The following ZNF677 variants were observed in gnomAD, a reference collection of about 807,000 sequenced individuals.
ZNF677 encodes zinc finger protein 677.
Under a neutral mutation model 8.1 loss-of-function variants are expected in ZNF677, and 5 were observed. The observed-to-expected ratio is 0.62, with a 90% confidence interval of 0.32 to 1.29. ZNF677 has a LOEUF of 1.29. Among genes scored for constraint, ZNF677 ranks in the 50% most tolerant of loss-of-function variants. The pLI is 0.05. For synonymous variants in ZNF677, 221 were observed against 225.6 expected, an observed-to-expected ratio of 0.98 and a Z score of 0.18; for missense variants, 685 against 685.9, an observed-to-expected ratio of 1.00 and a Z score of 0.01.
At chr19:53,244,744 G>A (rs1188827977) in intron 3 of ZNF677, among the ~76,000 whole-genome samples, 21 of 152,030 alleles carry the variant, frequency 1.4e-4, no homozygotes, top group Non-Finnish European at 2.8e-4. Context: ...AAAAATATAA[G>A]AAATAATCCT....
chr19:53,254,240 C>T (rs1168875142), intron 1 of ZNF677, among the ~76,000 whole-genome samples: 1 of 151,800 alleles, frequency 6.6e-6, no homozygotes, highest in East Asian at 1.9e-4. Flanking sequence ...TTTTCCCCCT[C>T]TCTATAAATG....
Position 53,237,680 on chromosome 19 carries a change from A to G in ZNF677, c.1047T>C (p.Cys349=), listed in dbSNP as rs749019681. The G allele has an allele frequency of 3.7e-6, 6 of 1,612,994 alleles. No individual in the cohort carries two copies. Among genetic ancestry groups the G allele is most frequent in the South Asian group, 1.1e-5 (1 of 90,864 alleles). Residue 349 remains cysteine (C), a synonymous_variant, in exon 5 of 5, where the codon TGT becomes TGC. Coordinates refer to ENST00000598513, the MANE Select transcript of ZNF677 (RefSeq NM_182609.4). ...RMHTGEKPYK[C]NECGKAFIQR... is the part of the protein sequence containing the mutation. ...GGATAAATGCCTTACCACATTCATT[A>G]CATTTGTAAGGTTTCTCTCCAGTAT...
intron 3 of ZNF677, 95 bp from the exon 4 acceptor site, chr19:53,243,992 T>C (rs2091097362): frequency 8.6e-7 from 1 of 1,163,238 alleles, no homozygotes; most frequent in Non-Finnish European, 1.2e-6. Context: ...CACTGATTTA[T>C]GTGAGTTAAT....
intron 3 of ZNF677, among the ~76,000 whole-genome samples, chr19:53,251,218 G>C (rs1281545500): frequency 6.6e-6 from 1 of 152,158 alleles, no homozygotes; most frequent in Non-Finnish European, 1.5e-5. Context: ...AGAGATGAAA[G>C]GGTATCCAAA....
At chr19:53,247,204 T>C (rs1347600799) in intron 3 of ZNF677, among the ~76,000 whole-genome samples, 1 of 152,184 alleles carries the variant, frequency 6.6e-6, no homozygotes, top group Non-Finnish European at 1.5e-5. Flanking sequence ...GAGAATATGC[T>C]ATGTGCACTA....
At chr19:53,241,983 G>C (rs1374413611) in intron 4 of ZNF677, 1 of 125,328 alleles carries the variant, frequency 8.0e-6, no homozygotes, top group African/African-American at 5.0e-5. Context: ...CCAGGCTGGA[G>C]TGCAATGGCG....
At chr19:53,251,514 G>A in intron 3 of ZNF677, 22 bp downstream of exon 3, 1 of 1,608,316 alleles carries the variant, frequency 6.2e-7, no homozygotes, top group Non-Finnish European at 8.5e-7. Flanking sequence ...ACAAAACAGT[G>A]AACCAAGAAT....
intron 4 of ZNF677, 91 bp downstream of exon 4, chr19:53,243,653 C>T: frequency 6.4e-7 from 1 of 1,568,202 alleles, no homozygotes; most frequent in Non-Finnish European, 8.7e-7. Context: ...TCAATCTCCC[C>T]TTTTAGAACA....
intron 3 of ZNF677, among the ~76,000 whole-genome samples, chr19:53,247,739 G>C (rs1000367625): frequency 2.0e-5 from 3 of 152,022 alleles, no homozygotes; most frequent in Non-Finnish European, 2.9e-5. Flanking sequence ...AACATCTCTG[G>C]TATCAATTTT....
rs761834781 is a variant in ZNF677, at chr19:53,237,911, A to G, written c.816T>C (p.Phe272=). The G allele has an allele frequency of 3.7e-6, 6 of 1,612,692 alleles. No individual in the cohort carries two copies. Among genetic ancestry groups the G allele is most frequent in the Non-Finnish European group, 5.1e-6 (6 of 1,179,958 alleles). Residue 272 remains phenylalanine, a synonymous_variant, in exon 5 of 5, where the codon TTT becomes TTC. Transcript: ENST00000598513. ...GATTAGTGAGGTTCGAACTTTTGCT[A>G]AAAGCCTTTCCACAGTCATTACACT... ...SYKCNDCGKA[F]SKSSNLTNHQ...
chr19:53,238,139 C>G lies in ZNF677; in HGVS notation c.588G>C (p.Gln196His). ...ATCTCTGTAGTTCAGCCAGCTGTGC[C>G]TGTAAGCTTAATCCAATTTTATTTT... ...CFENKIGLSL[Q>H]AQLAELQRFQ... is the part of the protein sequence containing the mutation. Residue 196 changes from glutamine to histidine, a missense_variant, in exon 5 of 5, where the codon CAG becomes CAC. By Grantham distance (24) the Gln-to-His change is conservative. Coordinates refer to ENST00000598513, the MANE Select transcript of ZNF677 (RefSeq NM_182609.4). The G allele has an allele frequency of 6.2e-7, 1 of 1,613,604 alleles. No individual in the cohort carries two copies. Among genetic ancestry groups the G allele is most frequent in the Non-Finnish European group, 8.5e-7 (1 of 1,179,742 alleles).
At chr19:53,241,659 A>G in intron 4 of ZNF677, 1 of 387,250 alleles carries the variant, frequency 2.6e-6, no homozygotes, top group Non-Finnish European at 4.6e-6. Flanking sequence ...CACAGAAACC[A>G]GAAGGTCAGA....
Position 53,238,094 on chromosome 19 carries a change from C to T in ZNF677, c.633G>A (p.Met211Ile). The change falls in exon 5 of 5, where the codon ATG becomes ATA. Residue 211 changes from methionine to isoleucine, a missense_variant. Coordinates refer to ENST00000598513, the MANE Select transcript of ZNF677 (RefSeq NM_182609.4). The part of the protein sequence containing the change: ...ELQRFQTGEK[M>I]YECNPVEKSI... The stretch of plus-strand genomic sequence containing the variant: ...ACTTCTCAACTGGATTACATTCATA[C>T]ATTTTCTCCCCAGTTTGAAATCTCT... 2 of 1,614,036 alleles carry T rather than the reference C, an allele frequency of 1.2e-6. No individual in the cohort carries two copies. Among genetic ancestry groups the T allele is most frequent in the Non-Finnish European group, 1.7e-6 (2 of 1,179,942 alleles).
chr19:53,237,607 G>A lies in ZNF677; in HGVS notation c.1120C>T (p.Pro374Ser), dbSNP rs867527371. 1 of 1,613,858 alleles carries A rather than the reference G, an allele frequency of 6.2e-7. No individual in the cohort carries two copies. The highest frequency in any genetic ancestry group is 1.6e-4 in the Middle Eastern group (1 of 6,062). Residue 374 changes from proline to serine, a missense_variant, in exon 5 of 5, where the codon CCT (proline) becomes TCT (serine). Transcript: ENST00000598513. ...TTGTCACATTCATTACATTTGTAAG[G>A]TTTCTCTCCAGTATGAATTCTTTCA... ...GHERIHTGEK[P>S]YKCNECDKAF...
At position 53,236,895 on chromosome 19, in the gene ZNF677, T is replaced by A. The variant is rs1467731626; in HGVS notation, c.*77A>T. 7.6e-7 allele frequency: 1 copy of A among 1,317,904 alleles called. No homozygotes were observed. The highest frequency in any genetic ancestry group is 2.7e-5 in the Admixed American group (1 of 37,426). 81.6% of individuals were successfully genotyped at this position (1,317,904 alleles called of 1,614,324 possible). A position where few individuals can be genotyped will look rare whatever the true frequency, so the allele number is the denominator to read the frequency against. On this transcript the variant is annotated 3_prime_UTR_variant, in exon 5 of 5. Transcript: ENST00000598513. Reference sequence around the variant, plus strand: ...CAAAGATGTATATTCTGGTATCAAGTGAGACATAAGCCATAGCTAAAGGCT... The same window carrying A: ...CAAAGATGTATATTCTGGTATCAAGAGAGACATAAGCCATAGCTAAAGGCT...
At position 53,236,986 on chromosome 19, in the gene ZNF677, A is replaced by G. The variant is rs979735000; in HGVS notation, c.1741T>C (p.Ser581Pro). The stretch of plus-strand genomic sequence containing the variant: ...AGCCCCTGATGCTAGGTACAGCTTG[A>G]ATACTTAATTTTTGTCTCATTATAT... ...IKYNETKIKY[S>P]SCT The change falls in exon 5 of 5, where the codon TCA (serine) becomes CCA (proline). Residue 581 changes from serine to proline, a missense_variant. Transcript: ENST00000598513. The G allele has an allele frequency of 2.6e-6, 4 of 1,561,762 alleles. No individual in the cohort carries two copies. Among genetic ancestry groups the G allele is most frequent in the Non-Finnish European group, 3.4e-6 (4 of 1,160,118 alleles).
At chr19:53,246,936 A>G (rs2091153233) in intron 3 of ZNF677, among the ~76,000 whole-genome samples, 1 of 152,222 alleles carries the variant, frequency 6.6e-6, no homozygotes, top group East Asian at 1.9e-4. Flanking sequence ...GGATATGTTT[A>G]TGACAGATTG....
At chr19:53,250,754 T>C (rs953539101) in intron 3 of ZNF677, among the ~76,000 whole-genome samples, 19 of 152,076 alleles carry the variant, frequency 1.2e-4, no homozygotes, top group African/African-American at 3.6e-4. Context: ...AAATAATCTG[T>C]CCAACAAACT....
chr19:53,248,493 G>T (rs944481368), intron 3 of ZNF677, among the ~76,000 whole-genome samples: 5 of 152,266 alleles, frequency 3.3e-5, no homozygotes, highest in African/African-American at 1.2e-4. Flanking sequence ...TTCATGCAGG[G>T]TAAGTCCACT....
Sources: allele counts gnomAD v4.1 joint callset (sites outside exome capture counted in the v4.1 genomes callset), GRCh38; gene constraint gnomAD v4.1.1; transcripts MANE v1.5; gene names NCBI Gene and HGNC (gene_info 2026-07-23, HGNC 2026-07-21).